MFSD6: variants seen among roughly 807,000 people sequenced by gnomAD.
MFSD6 encodes the protein major facilitator superfamily domain containing 6.
MFSD6 carries 26 observed loss-of-function variants against 56.3 expected under a neutral mutation model. The ratio of observed to expected loss-of-function variants is 0.46; its 90% CI spans 0.34 to 0.64. The LOEUF (loss-of-function observed/expected upper bound fraction) is 0.64, where lower values mean the gene tolerates loss of function less well. Among genes scored for constraint, MFSD6 ranks in the 30% least tolerant of loss-of-function variants. MFSD6 has a pLI of 0.01. For synonymous variants in MFSD6, 331 were observed against 366.9 expected (o/e 0.90, Z 1.12); for missense variants, 750 against 986.2 (o/e 0.76, Z 3.21).
chr2:190,496,924 G>C lies in MFSD6; in HGVS notation c.1892-515G>C, dbSNP rs1366806577. Reference sequence around the variant, plus strand: ...GGGACTCAGGGGAAAGGGTGGGAAAGGGGTGAGGGATACAAGACTACAAAT... The same window carrying C: ...GGGACTCAGGGGAAAGGGTGGGAAACGGGTGAGGGATACAAGACTACAAAT... On this transcript the variant is annotated intron_variant, in intron 6 of 7. Coordinates refer to ENST00000392328, the MANE Select transcript of MFSD6 (RefSeq NM_017694.4). The surrounding 1 kb of genome is among the most constrained non-coding windows in gnomAD (Gnocchi z 4.7). Among the ~76,000 whole-genome samples, 2 of 152,294 alleles carry C rather than the reference G, an allele frequency of 1.3e-5. No homozygotes were observed. Among genetic ancestry groups the C allele is most frequent in the East Asian group, 3.9e-4 (2 of 5,184 alleles).
intron 2 of MFSD6, among the ~76,000 whole-genome samples, chr2:190,428,649 GCTTGCTT>G: frequency 8.4e-6 from 1 of 119,676 alleles, no homozygotes; most frequent in South Asian, 3.1e-4. Context: ...ATTTAGAGAT[GCTTGCTT>G]ATTTATTTAT....
Position 190,499,912 on chromosome 2 carries a change from G to T in MFSD6, c.2173-103G>T, listed in dbSNP as rs563974489. 2.8e-5 allele frequency: 44 copies of T among 1,579,368 alleles called. No homozygotes were observed. Among genetic ancestry groups the T allele is most frequent in the Admixed American group, 2.0e-4 (11 of 55,848 alleles). On this transcript the variant is annotated intron_variant, in intron 7 of 7. Coordinates refer to ENST00000392328, the MANE Select transcript of MFSD6 (RefSeq NM_017694.4). This position sits in a 1 kb window ranked among gnomAD's most constrained non-coding sequence, Gnocchi z 6.0. ...CTTGGTCCCTGAAATGGGCACTTCC[G>T]GATGATCTCCCCATGTTTCCTGTCT...
intron 3 of MFSD6, among the ~76,000 whole-genome samples, chr2:190,441,702 C>G (rs1686384869): frequency 6.6e-6 from 1 of 152,042 alleles, no homozygotes; most frequent in South Asian, 2.1e-4. Flanking sequence ...TACTCTGTCC[C>G]GCTTCCCAGA....
intron 4 of MFSD6, among the ~76,000 whole-genome samples, chr2:190,476,327 C>T (rs1292091149): frequency 6.6e-6 from 1 of 152,132 alleles, no homozygotes; most frequent in Non-Finnish European, 1.5e-5. Flanking sequence ...GGGCTAATAT[C>T]CAGAATCTAC....
intron 3 of MFSD6, among the ~76,000 whole-genome samples, chr2:190,450,647 C>CT (rs1686746773): frequency 6.6e-6 from 1 of 151,932 alleles, no homozygotes; most frequent in Admixed American, 6.6e-5. Flanking sequence ...CATGTGCCAC[C>CT]ATGCCCAGCT....
At position 190,485,531 on chromosome 2, in the gene MFSD6, T is replaced by C. The variant is rs1688961163; in HGVS notation, c.1631-3126T>C. On this transcript the variant is annotated intron_variant, in intron 4 of 7. Coordinates refer to ENST00000392328, the MANE Select transcript of MFSD6 (RefSeq NM_017694.4). This position sits in a 1 kb window ranked among gnomAD's most constrained non-coding sequence, Gnocchi z 5.1. ...GAATATTTTTGAGTTTTTCCCCCAG[T>C]GTGGTTAATGAAAAAAAATCTGCAT... 6.6e-6 allele frequency among the ~76,000 whole-genome samples: 1 copy of C among 152,084 alleles called. No homozygotes were observed. Among genetic ancestry groups the C allele is most frequent in the South Asian group, 2.1e-4 (1 of 4,830 alleles).
chr2:190,443,352 A>G lies in MFSD6; in HGVS notation c.1532+5791A>G, dbSNP rs1239347170. ...ATCTATAAATAGGGATATTATTAGT[A>G]CCTGCTTCTTAGGGTTTTTTATGAA... is the stretch of plus-strand genomic sequence containing the variant. On this transcript the variant is annotated intron_variant, in intron 3 of 7. Transcript: ENST00000392328. The surrounding 1 kb of genome is among the most constrained non-coding windows in gnomAD (Gnocchi z 4.2). Among the ~76,000 whole-genome samples the G allele has an allele frequency of 6.6e-6, 1 of 152,190 alleles. No individual in the cohort carries two copies. The highest frequency in any genetic ancestry group is 2.4e-5 in the African/African-American group (1 of 41,454).
chr2:190,430,784 G>A (rs529901390), intron 2 of MFSD6, among the ~76,000 whole-genome samples: 29 of 151,648 alleles, frequency 1.9e-4, no homozygotes, highest in South Asian at 4.2e-4. Context: ...AGGGGCGGCC[G>A]GGCGGGCAGA....
At chr2:190,432,009 G>T (rs1575833789) in intron 2 of MFSD6, among the ~76,000 whole-genome samples, 1 of 148,822 alleles carries the variant, frequency 6.7e-6, no homozygotes, top group Admixed American at 6.6e-5. Context: ...TGATTTCTCT[G>T]GACTGATAGT....
chr2:190,435,652 CAACTCTCTGTGTTTGGTTT>C (rs1424473766), intron 2 of MFSD6, among the ~76,000 whole-genome samples: 1 of 152,112 alleles, frequency 6.6e-6, no homozygotes, highest in African/African-American at 2.4e-5. Flanking sequence ...TGTTTATTTT[CAACTCTCTGTGTTTGGTTT>C]AGACATAATC....
At chr2:190,435,657 C>A (rs1175970229) in intron 2 of MFSD6, among the ~76,000 whole-genome samples, 1 of 152,182 alleles carries the variant, frequency 6.6e-6, no homozygotes, top group Admixed American at 6.5e-5. Flanking sequence ...ATTTTCAACT[C>A]TCTGTGTTTG....
At chr2:190,427,183 C>T (rs969518818) in intron 2 of MFSD6, among the ~76,000 whole-genome samples, 2 of 152,226 alleles carry the variant, frequency 1.3e-5, no homozygotes, top group South Asian at 4.1e-4. Flanking sequence ...GGTTGGCAGT[C>T]CAGGCTTCCC....
rs1689316197 is a variant in MFSD6, at chr2:190,491,006, T to C, written c.1891+1140T>C. Among the ~76,000 whole-genome samples, 1 of 152,202 alleles carries C rather than the reference T, an allele frequency of 6.6e-6. No individual in the cohort carries two copies. The highest frequency in any genetic ancestry group is 2.4e-5 in the African/African-American group (1 of 41,450). ...GTCCATGCCTCATGTAAAAGACCAA[T>C]AAAAATAACTATCATGGCTCTCCCA... On this transcript the variant is annotated intron_variant, in intron 6 of 7. Transcript: ENST00000392328. This position sits in a 1 kb window ranked among gnomAD's most constrained non-coding sequence, Gnocchi z 4.2.
rs372677069 is a variant in MFSD6 at position 190,447,089 on chromosome 2, TA to T, written c.1532+9539del. ...GTCTCTCTCTGATTCATAGGCTCAG[TA>T]AAAAAAAAAACTTGAAAGGATGTCT... On this transcript the variant is annotated intron_variant, in intron 3 of 7. Coordinates refer to ENST00000392328, the MANE Select transcript of MFSD6 (RefSeq NM_017694.4). The surrounding 1 kb of genome is among the most constrained non-coding windows in gnomAD (Gnocchi z 4.5). Among the ~76,000 whole-genome samples the T allele has an allele frequency of 1.2e-4, 17 of 136,210 alleles. No homozygotes were observed. Among genetic ancestry groups the T allele is most frequent in the South Asian group, 2.5e-4 (1 of 3,992 alleles). The allele number at this position is 136,210 out of a possible 152,430, so 89.4% of individuals were successfully genotyped here.
intron 3 of MFSD6, among the ~76,000 whole-genome samples, chr2:190,453,294 G>C (rs140596168): frequency 0.011 from 1,651 of 152,174 alleles, 33 homozygotes; most frequent in African/African-American, 0.037. Flanking sequence ...TGTGGGCTCT[G>C]GGTAGGGGAA....
In MFSD6 at chr2:190,501,309, C is replaced by T. The variant is rs1054377370; in HGVS notation, c.*1091C>T. ...GGCAATAAGTAGCAACTATACTTTCCAATGACTAAAGAAAGAAAATCTCAG... is the reference window on the plus strand; with the variant it reads ...GGCAATAAGTAGCAACTATACTTTCTAATGACTAAAGAAAGAAAATCTCAG... On this transcript the variant is annotated 3_prime_UTR_variant, in exon 8 of 8. Coordinates refer to ENST00000392328, the MANE Select transcript of MFSD6 (RefSeq NM_017694.4). 2.0e-5 allele frequency: 3 copies of T among 152,106 alleles called. No homozygotes were observed. Among genetic ancestry groups the T allele is most frequent in the African/African-American group, 7.2e-5 (3 of 41,412 alleles). 9.4% of individuals were successfully genotyped at this position (152,106 alleles called of 1,614,324 possible).
At chr2:190,466,069 T>A (rs1687590195) in intron 3 of MFSD6, among the ~76,000 whole-genome samples, 2 of 152,238 alleles carry the variant, frequency 1.3e-5, no homozygotes, top group African/African-American at 4.8e-5. Flanking sequence ...TCTCTTTGGC[T>A]TAGGTTTTCT....
At position 190,417,698 on chromosome 2, in the gene MFSD6, T is replaced by A. The variant is rs4853701; in HGVS notation, c.-54+2285T>A. 6.6e-6 allele frequency among the ~76,000 whole-genome samples: 1 copy of A among 151,724 alleles called. No homozygotes were observed. Among genetic ancestry groups the A allele is most frequent in the Non-Finnish European group, 1.5e-5 (1 of 67,912 alleles). On this transcript the variant is annotated intron_variant, in intron 2 of 7. Coordinates refer to ENST00000392328, the MANE Select transcript of MFSD6 (RefSeq NM_017694.4). The surrounding 1 kb of genome is among the most constrained non-coding windows in gnomAD (Gnocchi z 5.7). ...CCTCATGTGCCCTTTAGTCTTGGGATAAATCTTTTACGGATCCTCTGCTGC... is the reference window on the plus strand; with the variant it reads ...CCTCATGTGCCCTTTAGTCTTGGGAAAAATCTTTTACGGATCCTCTGCTGC...
intron 2 of MFSD6, among the ~76,000 whole-genome samples, chr2:190,420,105 A>G (rs1685557836): frequency 7.0e-6 from 1 of 141,900 alleles, no homozygotes; most frequent in South Asian, 2.3e-4. Context: ...TTAAAAACAA[A>G]ATATTAACTG....
Sources: allele counts gnomAD v4.1 joint callset (sites outside exome capture counted in the v4.1 genomes callset), GRCh38; gene constraint gnomAD v4.1.1; non-coding constraint Gnocchi (gnomAD v3.1); transcripts MANE v1.5; gene names NCBI Gene and HGNC (gene_info 2026-07-23, HGNC 2026-07-21).